The following KAT6A variants were observed in gnomAD, a reference collection of about 807,000 sequenced individuals.
KAT6A encodes lysine acetyltransferase 6A, also known as histone acetyltransferase KAT6A.
In KAT6A, 9 loss-of-function variants were observed where a neutral mutation model predicts 198.4. The ratio of observed to expected loss-of-function variants is 0.05; its 90% CI spans 0.03 to 0.08. The LOEUF is 0.08. Ranked by LOEUF, KAT6A falls within the 10% of genes least tolerant of loss-of-function variation. The pLI, the probability that KAT6A is intolerant of heterozygous loss-of-function variation, is 1.00. For missense variants in KAT6A, 2,077 were observed against 2,509.9 expected (o/e 0.83, Z 3.69); for synonymous variants, 890 against 883.0 (o/e 1.01, Z -0.14).
In KAT6A at chr8:42,007,941, G is replaced by C. The variant is rs548436436; in HGVS notation, c.601-20378C>G. Among the ~76,000 whole-genome samples, 18 of 117,558 alleles carry C rather than the reference G, an allele frequency of 1.5e-4. No homozygotes were observed. In the South Asian group the frequency reaches 4.6e-3, roughly 30 times the overall value. 77.1% of individuals were successfully genotyped at this position (117,558 alleles called of 152,430 possible). On this transcript the variant is annotated intron_variant, in intron 2 of 16. Transcript: ENST00000265713. ...CGTGCCACTGTACTCCAGCCTGGGC[G>C]ACAGAGCGAGACTCCGTCTCAAAAA...
At chr8:41,965,002 A>G (rs1268357629) in intron 8 of KAT6A, among the ~76,000 whole-genome samples, 1 of 152,210 alleles carries the variant, frequency 6.6e-6, no homozygotes, top group African/African-American at 2.4e-5. Flanking sequence ...TACAGGAGAT[A>G]GGGTGATTAT....
chr8:41,943,637 A>G lies in KAT6A; in HGVS notation c.2228+111T>C, dbSNP rs118102649. The stretch of plus-strand genomic sequence containing the variant: ...GGAAAATGATATCTCATTATCACCA[A>G]GTATATCATTTATATTAGTTAATGC... On this transcript the variant is annotated intron_variant, in intron 13 of 16. Coordinates refer to ENST00000265713, the MANE Select transcript of KAT6A (RefSeq NM_006766.5). 5.3e-4 allele frequency: 357 copies of G among 675,662 alleles called. 1 individual carries two copies. The highest frequency in any genetic ancestry group is 8.4e-4 in the Non-Finnish European group (321 of 383,020). 41.9% of individuals were successfully genotyped at this position (675,662 alleles called of 1,614,324 possible).
In KAT6A at chr8:42,021,971, T is replaced by C. The variant is rs896622301; in HGVS notation, c.600+26407A>G. On this transcript the variant is annotated intron_variant, in intron 2 of 16. Coordinates refer to ENST00000265713, the MANE Select transcript of KAT6A (RefSeq NM_006766.5). ...AAAACTCAGTTAATACTTTTAATTA[T>C]TGCACAAGTTTAACAATTTCAGTTT... Among the ~76,000 whole-genome samples, 4 of 152,136 alleles carry C rather than the reference T, an allele frequency of 2.6e-5. No individual in the cohort carries two copies. The South Asian group carries it at 8.3e-4, about 31-fold the overall frequency.
chr8:41,977,163 T>C lies in KAT6A; in HGVS notation c.1208A>G (p.Asn403Ser). The change falls in exon 7 of 17, where the codon AAC becomes AGC. Residue 403 changes from asparagine (N) to serine (S), a missense_variant. Around this residue, in one of 13 missense-constraint regions of KAT6A, gnomAD observed 206 missense variants for 214.9 expected, o/e 0.96. Transcript: ENST00000265713. ...ATCAATGAGCCCTTTGGTTTTCTTG[T>C]TGAACTTCAAGGAGACATTGCTATC... The part of the protein sequence containing the change: ...CRDSNVSLKF[N>S]KKTKGLIDGL... 2 of 1,614,188 alleles carry C rather than the reference T, an allele frequency of 1.2e-6. No individual in the cohort carries two copies. Among genetic ancestry groups the C allele is most frequent in the Non-Finnish European group, 1.7e-6 (2 of 1,180,026 alleles).
At chr8:41,976,582 T>C (rs1286355707) in intron 7 of KAT6A, among the ~76,000 whole-genome samples, 4 of 152,016 alleles carry the variant, frequency 2.6e-5, no homozygotes, top group Non-Finnish European at 4.4e-5. Context: ...CTGCAAATAT[T>C]TTGGTCTTTT....
chr8:42,032,611 T>C (rs950364951), intron 2 of KAT6A, among the ~76,000 whole-genome samples: 3 of 152,148 alleles, frequency 2.0e-5, no homozygotes, highest in Admixed American at 6.6e-5. Context: ...AAAAATTATA[T>C]AAAGTCTCAA....
intron 9 of KAT6A, among the ~76,000 whole-genome samples, chr8:41,949,570 TG>T (rs1237936667): frequency 6.6e-6 from 1 of 152,228 alleles, no homozygotes; most frequent in Non-Finnish European, 1.5e-5. Flanking sequence ...AGTACTGAGA[TG>T]AAAAAATTAA....
chr8:41,973,467 G>A (rs1356344309), intron 8 of KAT6A, among the ~76,000 whole-genome samples: 1 of 152,148 alleles, frequency 6.6e-6, no homozygotes, highest in South Asian at 2.1e-4. Context: ...TGATCCACCC[G>A]CCTCGGCCTC....
intron 8 of KAT6A, among the ~76,000 whole-genome samples, chr8:41,972,198 T>C (rs1290805564): frequency 6.6e-6 from 1 of 152,022 alleles, no homozygotes; most frequent in Admixed American, 6.6e-5. Flanking sequence ...AATAAACAAA[T>C]AGGAAGAAGA....
chr8:41,966,835 G>T (rs2150879231), intron 8 of KAT6A, among the ~76,000 whole-genome samples: 1 of 152,160 alleles, frequency 6.6e-6, no homozygotes, highest in Middle Eastern at 3.4e-3. Flanking sequence ...AATAATGCAG[G>T]ATGTTATTGT....
chr8:42,034,351 T>A (rs188122685), intron 2 of KAT6A, among the ~76,000 whole-genome samples: 9 of 152,298 alleles, frequency 5.9e-5, no homozygotes, highest in Non-Finnish European at 8.8e-5. Flanking sequence ...TGGGGGATAC[T>A]ATTGCTGGTG....
chr8:41,954,444 T>C (rs1378770363), intron 9 of KAT6A, among the ~76,000 whole-genome samples: 1 of 152,244 alleles, frequency 6.6e-6, no homozygotes, highest in Non-Finnish European at 1.5e-5. Flanking sequence ...TATTATTTCT[T>C]GTAACACCCT....
At chr8:42,033,361 T>C (rs1407161694) in intron 2 of KAT6A, among the ~76,000 whole-genome samples, 2 of 152,166 alleles carry the variant, frequency 1.3e-5, no homozygotes, top group Non-Finnish European at 1.5e-5. Context: ...CTACTCAAAG[T>C]GTGATATCAA....
At chr8:42,040,327 T>C (rs536548331) in intron 2 of KAT6A, among the ~76,000 whole-genome samples, 16 of 152,292 alleles carry the variant, frequency 1.1e-4, no homozygotes, top group African/African-American at 3.6e-4. Context: ...CTGAAGCCAT[T>C]TGTGGTACCC....
chr8:41,939,800 G>A (rs1273708040), intron 15 of KAT6A, among the ~76,000 whole-genome samples: 1 of 152,236 alleles, frequency 6.6e-6, no homozygotes, highest in East Asian at 1.9e-4. Flanking sequence ...TGGGATCCTG[G>A]AACAGAAAAA....
chr8:42,025,690 T>C (rs913004785), intron 2 of KAT6A, among the ~76,000 whole-genome samples: 3 of 152,234 alleles, frequency 2.0e-5, no homozygotes, highest in Non-Finnish European at 4.4e-5. Context: ...AAATATTTTC[T>C]CCCAATCTAC....
At chr8:42,021,194 A>G (rs1186365013) in intron 2 of KAT6A, among the ~76,000 whole-genome samples, 1 of 152,174 alleles carries the variant, frequency 6.6e-6, no homozygotes, top group Non-Finnish European at 1.5e-5. Context: ...AAACGTGACA[A>G]ATGGTTTTAT....
chr8:42,039,615 G>A (rs959177455), intron 2 of KAT6A, among the ~76,000 whole-genome samples: 11 of 152,162 alleles, frequency 7.2e-5, no homozygotes, highest in Non-Finnish European at 1.6e-4. Flanking sequence ...AGTCCAGGAT[G>A]AACTAAAGAA....
At chr8:42,021,208 ATC>A (rs887121104) in intron 2 of KAT6A, among the ~76,000 whole-genome samples, 47 of 152,282 alleles carry the variant, frequency 3.1e-4, no homozygotes, top group African/African-American at 1.1e-3. Context: ...GTTTTATGTT[ATC>A]TGTCTACTTC....
Sources: allele counts gnomAD v4.1 joint callset (sites outside exome capture counted in the v4.1 genomes callset), GRCh38; gene constraint gnomAD v4.1.1; regional missense constraint gnomAD v4.1.1; transcripts MANE v1.5; gene names NCBI Gene and HGNC (gene_info 2026-07-23, HGNC 2026-07-21).